Variants in SORBS2 observed in about 807,000 individuals in gnomAD.
SORBS2 encodes the protein sorbin and SH3 domain-containing protein 2.
A neutral mutation model predicts 97.7 loss-of-function variants in SORBS2; 46 were observed. The observed-to-expected ratio is 0.47, with a 90% confidence interval of 0.37 to 0.60. The LOEUF (loss-of-function observed/expected upper bound fraction) is 0.60, where lower values mean the gene tolerates loss of function less well. SORBS2 is among the 20% of genes least tolerant of loss of function. The pLI is 0.00. For missense variants in SORBS2, 1,316 were observed against 1,282.3 expected, an observed-to-expected ratio of 1.03 and a Z score of -0.40; for synonymous variants, 476 against 473.4, an observed-to-expected ratio of 1.01 and a Z score of -0.07.
chr4:185,805,536 T>C (rs1310046120), intron 1 of SORBS2, among the ~76,000 whole-genome samples: 1 of 152,190 alleles, frequency 6.6e-6, no homozygotes, highest in African/African-American at 2.4e-5. Flanking sequence ...ACTTTTATTC[T>C]GCAGAAGTAA....
intron 2 of SORBS2, among the ~76,000 whole-genome samples, chr4:185,762,865 T>C (rs1200582379): frequency 6.6e-6 from 1 of 152,220 alleles, no homozygotes; most frequent in Non-Finnish European, 1.5e-5. Context: ...CTCTGGCATA[T>C]TCAGTATTTT....
chr4:185,627,215 A>G (rs1413282326), intron 5 of SORBS2, among the ~76,000 whole-genome samples, 196 bp from the exon 18 acceptor site: 1 of 152,086 alleles, frequency 6.6e-6, no homozygotes, highest in Non-Finnish European at 1.5e-5. Context: ...AATAGACCTT[A>G]TTATTTATTT....
chr4:185,635,235 A>G lies in SORBS2; in HGVS notation c.397-4637T>C, dbSNP rs2096975267. ...CTGGATGCAACATAATGATGCAAAGATAGATATTTTTTCAAAAATAGCTTA... is the reference window on the plus strand; with the variant it reads ...CTGGATGCAACATAATGATGCAAAGGTAGATATTTTTTCAAAAATAGCTTA... On this transcript the variant is annotated intron_variant, in intron 4 of 14. Coordinates refer to ENST00000418609, the Ensembl canonical transcript of SORBS2. 2.4e-5 allele frequency: 17 copies of G among 699,710 alleles called. 2 individuals are homozygous for G. The South Asian group carries it at 3.0e-4, about 12-fold the overall frequency. The allele number at this position is 699,710 out of a possible 1,614,324, so 43.3% of individuals were successfully genotyped here.
At chr4:185,628,518 A>T (rs2096854884) in intron 5 of SORBS2, among the ~76,000 whole-genome samples, 1 of 152,214 alleles carries the variant, frequency 6.6e-6, no homozygotes, top group Admixed American at 6.5e-5. Flanking sequence ...TTGGGAGGCC[A>T]AGGCTGGAGG....
At chr4:185,663,031 C>T (rs2097543265) in intron 4 of SORBS2, among the ~76,000 whole-genome samples, 2 of 152,134 alleles carry the variant, frequency 1.3e-5, no homozygotes, top group Non-Finnish European at 2.9e-5. Flanking sequence ...AGTAGATGTT[C>T]AATAGGTATC....
chr4:185,952,768 ATGT>A lies in SORBS2; in HGVS notation c.-338+3425_-338+3427del, dbSNP rs2099277803. ...GCCTCTTCCTGGCAAAAAATAAAAA[ATGT>A]TGTTCTGTCCCTTAGATTTGATTTA... On this transcript the variant is annotated intron_variant, in intron 1 of 20. Transcript: ENST00000284776. Among the ~76,000 whole-genome samples, 7 of 152,276 alleles carry A rather than the reference ATGT, an allele frequency of 4.6e-5. No homozygotes were observed. In the South Asian group the frequency reaches 1.0e-3, roughly 23 times the overall value.
chr4:185,766,042 A>C (rs531224295), intron 2 of SORBS2, among the ~76,000 whole-genome samples: 1 of 152,346 alleles, frequency 6.6e-6, no homozygotes, highest in Admixed American at 6.5e-5. Context: ...TTCTGCTGCT[A>C]AGAGATGTCA....
chr4:185,896,914 TGTCAGTGATTGGTTGTATTACAAAGCAC>T (rs2099245330), intron 1 of SORBS2, among the ~76,000 whole-genome samples: 5 of 147,298 alleles, frequency 3.4e-5, no homozygotes, highest in African/African-American at 7.5e-5. Flanking sequence ...AAAAAGCACA[TGTCAGTGATTGGTTGTATTACAAAGCAC>T]GTCAGTGATT....
At chr4:185,661,661 C>T (rs147486633), upstream of SORBS2, among the ~76,000 whole-genome samples, 8 of 152,280 alleles carry the variant, frequency 5.3e-5, no homozygotes, top group South Asian at 2.1e-4. Context: ...TAGATGACTG[C>T]GTCCCTGCTA....
intron 1 of SORBS2, 72 bp from the exon 10 acceptor site, chr4:185,652,800 C>T: frequency 8.9e-7 from 1 of 1,118,492 alleles, no homozygotes; most frequent in Non-Finnish European, 1.4e-6. Context: ...GTTTTCATTT[C>T]TCTATTTTAT....
intron 4 of SORBS2, among the ~76,000 whole-genome samples, chr4:185,636,158 C>T (rs546611807): frequency 6.1e-4 from 93 of 152,174 alleles, no homozygotes; most frequent in African/African-American, 2.0e-3. Flanking sequence ...CACGCCTGGC[C>T]GTCCCTATAA....
intron 1 of SORBS2, among the ~76,000 whole-genome samples, chr4:185,798,835 G>A (rs1181725779): frequency 6.6e-6 from 1 of 152,030 alleles, no homozygotes; most frequent in Non-Finnish European, 1.5e-5. Flanking sequence ...ATGTCTAAAC[G>A]TTTTTGCCCT....
At chr4:185,953,141 C>T (rs914944372) in intron 1 of SORBS2, among the ~76,000 whole-genome samples, 1 of 152,150 alleles carries the variant, frequency 6.6e-6, no homozygotes, top group Admixed American at 6.5e-5. Context: ...ATAGTGAAAC[C>T]CCGTCTCTAC....
At chr4:185,897,294 G>A (rs1194578105) in intron 1 of SORBS2, among the ~76,000 whole-genome samples, 1 of 152,184 alleles carries the variant, frequency 6.6e-6, no homozygotes, top group African/African-American at 2.4e-5. Context: ...CGATTCCAGA[G>A]AGGGCCCCAC....
chr4:185,854,604 T>C (rs769859157), intron 1 of SORBS2, among the ~76,000 whole-genome samples: 2 of 152,224 alleles, frequency 1.3e-5, no homozygotes, highest in Non-Finnish European at 2.9e-5. Flanking sequence ...GTTTGTGAAA[T>C]GAATCACAAT....
At chr4:185,914,526 AAC>A (rs2099257014) in intron 1 of SORBS2, among the ~76,000 whole-genome samples, 1 of 152,248 alleles carries the variant, frequency 6.6e-6, no homozygotes, top group Non-Finnish European at 1.5e-5. Context: ...CTTAGAATTT[AAC>A]AGTTTATAAA....
intron 1 of SORBS2, among the ~76,000 whole-genome samples, chr4:185,781,208 A>G (rs2099027163): frequency 1.3e-5 from 2 of 152,302 alleles, no homozygotes; most frequent in Admixed American, 1.3e-4. Flanking sequence ...AAGTGCTGAA[A>G]TTACAGGCAT....
intron 2 of SORBS2, among the ~76,000 whole-genome samples, chr4:185,747,116 A>AAGACACC (rs1291023326): frequency 6.6e-6 from 1 of 152,156 alleles, no homozygotes; most frequent in South Asian, 2.1e-4. Flanking sequence ...ACACACAAAA[A>AAGACACC]AGACACCAGA....
At chr4:185,789,965 T>A (rs2099073159) in intron 1 of SORBS2, among the ~76,000 whole-genome samples, 1 of 152,184 alleles carries the variant, frequency 6.6e-6, no homozygotes, top group African/African-American at 2.4e-5. Context: ...GAGCAGTGCC[T>A]CCATGGGCTA....
Sources: gnomAD v4.1 joint callset for allele counts (sites outside exome capture counted in the v4.1 genomes callset) on GRCh38, gnomAD v4.1.1 for gene constraint, MANE v1.5 for transcripts, NCBI Gene and HGNC (gene_info 2026-07-23, HGNC 2026-07-21) for gene names.